TMEM61: variants seen among roughly 807,000 people sequenced by gnomAD.
The protein encoded by TMEM61 is transmembrane protein 61.
TMEM61 carries 13 observed loss-of-function variants against 12.0 expected under a neutral mutation model. The observed-to-expected ratio is 1.08, with a 90% CI of 0.70 to 1.72. The LOEUF (loss-of-function observed/expected upper bound fraction) is 1.72, where lower values mean the gene tolerates loss of function less well. Ranked by LOEUF, TMEM61 falls within the 40% of genes most tolerant of loss-of-function variation. TMEM61 has a pLI of 0.00. For missense variants in TMEM61, 249 were observed against 276.9 expected (o/e 0.90, Z 0.71); for synonymous variants, 109 against 121.4 (o/e 0.90, Z 0.67).
chr1:54,986,402 C>A lies in TMEM61; in HGVS notation c.321C>A (p.Asp107Glu), dbSNP rs767473897. ...PRWDPYHLSRDLYYLTVESSE... is the reference protein window; with the variant it reads ...PRWDPYHLSRELYYLTVESSE... The stretch of plus-strand genomic sequence containing the variant: ...GGGACCCCTATCACCTCTCCAGAGA[C>A]CTGTACTACCTCACTGTGGAGTCCT... Residue 107 changes from aspartate (D) to glutamate (E), a missense_variant, in exon 2 of 3, where the codon GAC becomes GAA. Transcript: ENST00000371268. 6.2e-6 allele frequency: 10 copies of A among 1,604,920 alleles called. No individual in the cohort carries two copies. The South Asian group carries it at 1.1e-4, about 18-fold the overall frequency.
chr1:54,990,835 C>T (rs1644293533), intron 2 of TMEM61, among the ~76,000 whole-genome samples: 1 of 152,198 alleles, frequency 6.6e-6, no homozygotes, highest in African/African-American at 2.4e-5. Context: ...CTACCATCCC[C>T]CATTTTACAG....
rs1382560180 is a variant in TMEM61, at chr1:54,980,821, C to A, written c.-245C>A. 19 of 389,866 alleles carry A rather than the reference C, an allele frequency of 4.9e-5. No homozygotes were observed. Among genetic ancestry groups the A allele is most frequent in the Non-Finnish European group, 7.7e-5 (17 of 221,348 alleles). 24.2% of individuals were successfully genotyped at this position (389,866 alleles called of 1,614,324 possible). A position where few individuals can be genotyped will look rare whatever the true frequency, so the allele number is the denominator to read the frequency against. On this transcript the variant is annotated 5_prime_UTR_variant, in exon 1 of 3. Coordinates refer to ENST00000371268, the MANE Select transcript of TMEM61 (RefSeq NM_182532.3). ...TGGCTCGGTCCCTGCGCACCGGGTG[C>A]GGGCGGCGGAGAGGGCGCGGCTGGT... is the stretch of plus-strand genomic sequence containing the variant.
intron 1 of TMEM61, among the ~76,000 whole-genome samples, chr1:54,985,718 C>A (rs74072386): frequency 0.043 from 6,589 of 152,218 alleles, 451 homozygotes; most frequent in African/African-American, 0.15. Context: ...AAACCCTGAT[C>A]CTGGCAGGCC....
At chr1:54,983,109 G>GTTTTTTTTTT (rs780127208) in intron 1 of TMEM61, among the ~76,000 whole-genome samples, 1,259 of 109,358 alleles carry the variant, frequency 0.012, 303 homozygotes, top group Non-Finnish European at 0.017. Context: ...GTTTTGCTTT[G>GTTTTTTTTTT]TTTTTTTTTT....
At chr1:54,991,794 C>A in intron 2 of TMEM61, 42 bp from the exon 3 acceptor site, 1 of 1,595,064 alleles carries the variant, frequency 6.3e-7, no homozygotes, top group South Asian at 1.1e-5. Flanking sequence ...GCAGCAGGGT[C>A]TGCCCCAGCC....
chr1:54,988,777 C>T (rs996877692), intron 2 of TMEM61, among the ~76,000 whole-genome samples: 3 of 152,216 alleles, frequency 2.0e-5, no homozygotes, highest in African/African-American at 7.2e-5. Context: ...AGAGAACTGA[C>T]GGTGCCACAG....
chr1:54,986,865 A>G (rs376571907), intron 2 of TMEM61, among the ~76,000 whole-genome samples: 1 of 151,776 alleles, frequency 6.6e-6, no homozygotes, highest in Admixed American at 6.6e-5. Context: ...AGGTCATGCA[A>G]TCCCCCTAAG....
In TMEM61 at chr1:54,991,632, G is replaced by T. The variant is rs1036954109; in HGVS notation, c.366-204G>T. Among the ~76,000 whole-genome samples the T allele has an allele frequency of 2.0e-5, 3 of 152,340 alleles. No homozygotes were observed. In the East Asian group the frequency reaches 5.8e-4, roughly 29 times the overall value. ...ACATACAGGGAACTAATTCTATGGCGCAGGGAGTGGGTGGCGGGAAGGCTG... is the reference window on the plus strand; with the variant it reads ...ACATACAGGGAACTAATTCTATGGCTCAGGGAGTGGGTGGCGGGAAGGCTG... On this transcript the variant is annotated intron_variant, in intron 2 of 2. Transcript: ENST00000371268.
At chr1:54,990,982 C>A (rs1050708915) in intron 2 of TMEM61, among the ~76,000 whole-genome samples, 11 of 152,330 alleles carry the variant, frequency 7.2e-5, no homozygotes, top group Middle Eastern at 3.4e-3. Flanking sequence ...TTCAGGATCA[C>A]CCCCAAAGCA....
Position 54,992,105 on chromosome 1 carries a change from G to A in TMEM61, c.*2G>A. The A allele has an allele frequency of 6.2e-7, 1 of 1,609,936 alleles. No individual in the cohort carries two copies. The highest frequency in any genetic ancestry group is 8.5e-7 in the Non-Finnish European group (1 of 1,179,092). On this transcript the variant is annotated 3_prime_UTR_variant, in exon 3 of 3. Transcript: ENST00000371268. The stretch of plus-strand genomic sequence containing the variant: ...CAGACTGCACGGGGAGGAAGTTAAA[G>A]GCTCCTAGCAGGTCCTGAATCCAGA...
At chr1:54,989,053 C>A (rs1401528643) in intron 2 of TMEM61, among the ~76,000 whole-genome samples, 1 of 152,224 alleles carries the variant, frequency 6.6e-6, no homozygotes, top group Non-Finnish European at 1.5e-5. Context: ...CTGGTACACA[C>A]ATCTGCTTTC....
chr1:54,990,147 C>T (rs778936930), intron 2 of TMEM61, among the ~76,000 whole-genome samples: 2 of 152,106 alleles, frequency 1.3e-5, no homozygotes, highest in Admixed American at 6.5e-5. Context: ...TGAGGACAGG[C>T]ACTATCTCAG....
chr1:54,989,486 G>T (rs1644281489), intron 2 of TMEM61, among the ~76,000 whole-genome samples: 1 of 152,238 alleles, frequency 6.6e-6, no homozygotes, highest in Admixed American at 6.5e-5. Flanking sequence ...AAAGATTGGG[G>T]TGAGCCCTAG....
intron 2 of TMEM61, among the ~76,000 whole-genome samples, chr1:54,988,443 G>T (rs955620405): frequency 1.3e-5 from 2 of 152,218 alleles, no homozygotes; most frequent in South Asian, 4.1e-4. Context: ...ACTCAAAACT[G>T]GGGGGCTGGG....
intron 2 of TMEM61, among the ~76,000 whole-genome samples, chr1:54,987,637 T>G (rs1274979630): frequency 6.6e-6 from 1 of 152,218 alleles, no homozygotes; most frequent in Non-Finnish European, 1.5e-5. Context: ...GCCTATGTAC[T>G]AGGGGCCTGT....
intron 1 of TMEM61, among the ~76,000 whole-genome samples, chr1:54,985,141 C>T (rs940147652): frequency 6.6e-6 from 1 of 152,158 alleles, no homozygotes. Flanking sequence ...ATAGTTTACT[C>T]ACCATTTCTT....
chr1:54,991,648 G>A (rs563120078), intron 2 of TMEM61, among the ~76,000 whole-genome samples, 188 bp from the exon 3 acceptor site: 6 of 152,214 alleles, frequency 3.9e-5, no homozygotes, highest in African/African-American at 1.2e-4. Context: ...AGTGGGTGGC[G>A]GGAAGGCTGA....
chr1:54,985,577 G>A (rs570278683), intron 1 of TMEM61, among the ~76,000 whole-genome samples: 1 of 152,288 alleles, frequency 6.6e-6, no homozygotes, highest in Middle Eastern at 3.4e-3. Flanking sequence ...TCTATGTTGC[G>A]AATTTCGGCC....
intron 2 of TMEM61, among the ~76,000 whole-genome samples, chr1:54,991,502 A>T (rs988346733): frequency 2.4e-4 from 36 of 152,146 alleles, no homozygotes; most frequent in African/African-American, 8.7e-4. Context: ...TCAACATGAA[A>T]CACCCATAAG....
Sources: allele counts gnomAD v4.1 joint callset (sites outside exome capture counted in the v4.1 genomes callset), GRCh38; gene constraint gnomAD v4.1.1; transcripts MANE v1.5; gene names NCBI Gene and HGNC (gene_info 2026-07-23, HGNC 2026-07-21).